Variants in KIAA1217 observed in about 807,000 individuals in gnomAD.
KIAA1217 encodes sickle tail protein homolog.
KIAA1217 carries 88 observed loss-of-function variants against 163.9 expected under a neutral mutation model. The observed-to-expected ratio is 0.54, with a 90% CI of 0.45 to 0.64. The LOEUF is 0.64. Ranked by LOEUF, KIAA1217 falls within the 30% of genes least tolerant of loss-of-function variation. The probability of loss-of-function intolerance (pLI) is 0.00; values close to 1 mark genes in which losing one functional copy is unlikely to be tolerated. For missense variants in KIAA1217, 2,372 were observed against 2,475.0 expected, an observed-to-expected ratio of 0.96 and a Z score of 0.88; for synonymous variants, 903 against 923.1, an observed-to-expected ratio of 0.98 and a Z score of 0.39.
chr10:23,905,673 G>C (rs559382775), intron 1 of KIAA1217, among the ~76,000 whole-genome samples: 14 of 152,204 alleles, frequency 9.2e-5, no homozygotes, highest in Admixed American at 8.5e-4. Context: ...CCCATAGCTA[G>C]AAAGAGCCCA....
chr10:24,198,876 C>T (rs1433938240), intron 2 of KIAA1217, among the ~76,000 whole-genome samples: 3 of 152,052 alleles, frequency 2.0e-5, no homozygotes, highest in Non-Finnish European at 4.4e-5. Context: ...CATCTTTGGC[C>T]TAAAGCAGTA....
Position 24,296,779 on chromosome 10 carries a change from G to A in KIAA1217, c.354+76870G>A, listed in dbSNP as rs563580412. On this transcript the variant is annotated intron_variant, in intron 2 of 20. Transcript: ENST00000376454. ...TCACTGGGTAGTGTTTGGCCTTCGC[G>A]AAGAAGGATAGAGAGAAAGCTTGCT... Among the ~76,000 whole-genome samples, 408 of 152,172 alleles carry A rather than the reference G, an allele frequency of 2.7e-3. 3 individuals are homozygous for A. Among genetic ancestry groups the A allele is most frequent in the Middle Eastern group, 0.02 (6 of 294 alleles).
chr10:24,120,314 A>T (rs2063231672), intron 2 of KIAA1217, among the ~76,000 whole-genome samples: 3 of 152,210 alleles, frequency 2.0e-5, no homozygotes, highest in Non-Finnish European at 4.4e-5. Context: ...ACAATGGTAT[A>T]ATCTTGGATG....
intron 6 of KIAA1217, among the ~76,000 whole-genome samples, chr10:24,487,646 G>GT (rs5783893): frequency 1.4e-4 from 21 of 152,110 alleles, no homozygotes; most frequent in African/African-American, 4.1e-4. Context: ...ATTTTTGCCT[G>GT]TTTTTTTTAC....
chr10:24,106,138 C>G (rs966858558), intron 2 of KIAA1217, among the ~76,000 whole-genome samples: 1 of 152,100 alleles, frequency 6.6e-6, no homozygotes, highest in Non-Finnish European at 1.5e-5. Flanking sequence ...GTAATCATTT[C>G]CAGGACACAA....
chr10:24,458,399 G>A (rs2062023643), intron 5 of KIAA1217, among the ~76,000 whole-genome samples: 1 of 152,132 alleles, frequency 6.6e-6, no homozygotes, highest in Non-Finnish European at 1.5e-5. Context: ...ACATGAACAT[G>A]GCTTGGTCTA....
intron 2 of KIAA1217, among the ~76,000 whole-genome samples, chr10:24,243,925 G>A (rs1367404344): frequency 1.3e-5 from 2 of 152,076 alleles, no homozygotes; most frequent in African/African-American, 2.4e-5. Flanking sequence ...AGTAGCGATC[G>A]CATTGAGCAG....
At chr10:23,865,313 A>T (rs1459320110) in intron 1 of KIAA1217, among the ~76,000 whole-genome samples, 1 of 152,126 alleles carries the variant, frequency 6.6e-6, no homozygotes, top group Admixed American at 6.6e-5. Flanking sequence ...CTTTAATATT[A>T]ATTTCCCAGA....
intron 2 of KIAA1217, among the ~76,000 whole-genome samples, chr10:24,020,530 A>G (rs918887767): frequency 2.6e-5 from 4 of 152,090 alleles, no homozygotes; most frequent in Non-Finnish European, 5.9e-5. Flanking sequence ...ATTGGGAAGC[A>G]CGGGTGCCTT....
At chr10:24,187,122 A>G (rs553122778) in intron 2 of KIAA1217, among the ~76,000 whole-genome samples, 16 of 117,472 alleles carry the variant, frequency 1.4e-4, no homozygotes, top group Non-Finnish European at 2.4e-4. Context: ...ACCATTGTCC[A>G]TCGGAGCTGT....
chr10:23,764,522 T>C (rs1834417967), intron 1 of KIAA1217, among the ~76,000 whole-genome samples: 1 of 152,088 alleles, frequency 6.6e-6, no homozygotes, highest in African/African-American at 2.4e-5. Context: ...CTATTTACAA[T>C]AGCAAAAACA....
Position 24,536,921 on chromosome 10 carries a change from A to T in KIAA1217, c.3534+28A>T, listed in dbSNP as rs200864485. 1.4e-4 allele frequency: 228 copies of T among 1,612,398 alleles called. No individual in the cohort carries two copies. In the African/African-American group the frequency reaches 2.6e-3, roughly 18 times the overall value. On this transcript the variant is annotated intron_variant, in intron 17 of 20. Coordinates refer to ENST00000376454, the MANE Select transcript of KIAA1217 (RefSeq NM_019590.5). The stretch of plus-strand genomic sequence containing the variant: ...AACGTGGCAACTGCACATTTGCCAC[A>T]CGGTTGGGAGTCCTTCCTTCCTTGC...
chr10:24,484,241 A>ATTTTTT (rs59233394), intron 6 of KIAA1217, among the ~76,000 whole-genome samples: 7 of 75,156 alleles, frequency 9.3e-5, no homozygotes, highest in East Asian at 4.6e-4. Context: ...ATATATATAT[A>ATTTTTT]TTTTTTTTTT....
chr10:24,509,557 G>C (rs1214888050), intron 9 of KIAA1217, among the ~76,000 whole-genome samples: 1 of 152,048 alleles, frequency 6.6e-6, no homozygotes, highest in East Asian at 1.9e-4. Context: ...ACGTTATATT[G>C]CGATTCATTC....
intron 2 of KIAA1217, among the ~76,000 whole-genome samples, chr10:24,373,996 C>G (rs115647644): frequency 6.6e-6 from 1 of 152,156 alleles, no homozygotes; most frequent in Non-Finnish European, 1.5e-5. Flanking sequence ...TGATTTCCAT[C>G]CAGAACAAAT....
At chr10:24,023,160 G>A (rs1004670011) in intron 2 of KIAA1217, among the ~76,000 whole-genome samples, 1 of 151,572 alleles carries the variant, frequency 6.6e-6, no homozygotes, top group African/African-American at 2.4e-5. Context: ...ATTCAAATGA[G>A]TCCATATATT....
intron 13 of KIAA1217, 36 bp downstream of exon 13, chr10:24,524,800 A>T (rs766652844): frequency 2.0e-5 from 31 of 1,515,812 alleles, no homozygotes; most frequent in Middle Eastern, 1.8e-4. Context: ...AACCCCATAA[A>T]GGAGTCTGAT....
At chr10:23,994,642 TCAGCATCATCCCACCAGGGGGCAGTAGGA>T (rs1233398767) in intron 1 of KIAA1217, among the ~76,000 whole-genome samples, 1 of 152,190 alleles carries the variant, frequency 6.6e-6, no homozygotes, top group Admixed American at 6.5e-5. Flanking sequence ...TGAGCATAGT[TCAGCATCATCCCACCAGGGGGCAGTAGGA>T]AGCTGTGTGC....
chr10:24,157,506 A>G lies in KIAA1217; in HGVS notation c.-170-62120A>G, dbSNP rs577195558. Among the ~76,000 whole-genome samples, 12 of 152,262 alleles carry G rather than the reference A, an allele frequency of 7.9e-5. No homozygotes were observed. In the South Asian group the frequency reaches 8.3e-4, roughly 11 times the overall value. On this transcript the variant is annotated intron_variant, in intron 2 of 18. Coordinates refer to the KIAA1217 transcript ENST00000376462. ...GAAGTTTTACATTTTGATGAAGTCA[A>G]TTTGTTCTTTTATGGATTTTGGTTT...
Sources: allele counts gnomAD v4.1 joint callset (sites outside exome capture counted in the v4.1 genomes callset), GRCh38; gene constraint gnomAD v4.1.1; transcripts MANE v1.5; gene names NCBI Gene and HGNC (gene_info 2026-07-23, HGNC 2026-07-21).